SLC16A9: variants seen among roughly 807,000 people sequenced by gnomAD.
The protein encoded by SLC16A9 is monocarboxylate transporter 9.
In SLC16A9, 26 loss-of-function variants were observed where a neutral mutation model predicts 44.3. The observed-to-expected ratio is 0.59, with a 90% CI of 0.43 to 0.81. SLC16A9 has a LOEUF of 0.81. Ranked by LOEUF, SLC16A9 falls within the 40% of genes least tolerant of loss-of-function variation. SLC16A9 has a pLI of 0.00. For synonymous variants in SLC16A9, 230 were observed against 225.1 expected, an observed-to-expected ratio of 1.02 and a Z score of -0.19; for missense variants, 559 against 595.8, an observed-to-expected ratio of 0.94 and a Z score of 0.64.
chr10:59,697,474 A>G (rs1390528981), intron 1 of SLC16A9, among the ~76,000 whole-genome samples: 2 of 151,914 alleles, frequency 1.3e-5, no homozygotes, highest in African/African-American at 4.8e-5. Context: ...GTGTCTACTC[A>G]GGGTTGAATG....
intron 1 of SLC16A9, among the ~76,000 whole-genome samples, chr10:59,687,756 T>C (rs2073032390): frequency 6.6e-6 from 1 of 151,562 alleles, no homozygotes; most frequent in Non-Finnish European, 1.5e-5. Context: ...AGCCCAGGAG[T>C]TCGAGGCCAG....
intron 3 of SLC16A9, among the ~76,000 whole-genome samples, chr10:59,667,448 C>T (rs1244097731): frequency 1.3e-5 from 2 of 152,102 alleles, no homozygotes; most frequent in East Asian, 1.9e-4. Flanking sequence ...ACTCTTCTCA[C>T]CAAATTTTGT....
intron 3 of SLC16A9, among the ~76,000 whole-genome samples, chr10:59,671,079 G>C (rs1268456016): frequency 6.6e-6 from 1 of 152,202 alleles, no homozygotes; most frequent in African/African-American, 2.4e-5. Context: ...CTTCACAGAT[G>C]AGGGAGGGTA....
intron 4 of SLC16A9, among the ~76,000 whole-genome samples, chr10:59,655,698 T>A (rs1020864072): frequency 2.0e-5 from 3 of 152,244 alleles, no homozygotes; most frequent in East Asian, 3.8e-4. Context: ...CATCTGGTTC[T>A]GATTTCAATC....
At chr10:59,679,798 T>C (rs1233720654) in intron 2 of SLC16A9, among the ~76,000 whole-genome samples, 1 of 152,218 alleles carries the variant, frequency 6.6e-6, no homozygotes, top group Non-Finnish European at 1.5e-5. Context: ...ACACAGCCTC[T>C]GCAGTACCAA....
intron 1 of SLC16A9, among the ~76,000 whole-genome samples, chr10:59,685,943 A>G (rs1840121731): frequency 6.6e-6 from 1 of 150,706 alleles, no homozygotes; most frequent in South Asian, 2.1e-4. Flanking sequence ...GTTTTAAAAT[A>G]GCATTTCATC....
chr10:59,675,261 A>G (rs1839834325), intron 2 of SLC16A9, among the ~76,000 whole-genome samples: 1 of 152,194 alleles, frequency 6.6e-6, no homozygotes, highest in East Asian at 1.9e-4. Flanking sequence ...TAGCTAGCCA[A>G]TGACAGGTCT....
intron 1 of SLC16A9, among the ~76,000 whole-genome samples, chr10:59,692,348 A>G (rs1840271366): frequency 6.6e-6 from 1 of 152,142 alleles, no homozygotes; most frequent in African/African-American, 2.4e-5. Flanking sequence ...AAACCCTCAC[A>G]TGCTGCTGTG....
At chr10:59,698,732 CT>C (rs1020298939) in intron 1 of SLC16A9, among the ~76,000 whole-genome samples, 167 of 144,444 alleles carry the variant, frequency 1.2e-3, no homozygotes, top group African/African-American at 1.6e-3. Flanking sequence ...CTTTGTCTCT[CT>C]TTTTTTTTTT....
At chr10:59,668,870 T>TGGG (rs1588970357) in intron 3 of SLC16A9, among the ~76,000 whole-genome samples, 1 of 151,828 alleles carries the variant, frequency 6.6e-6, no homozygotes, top group East Asian at 2.0e-4. Flanking sequence ...TATATAACAA[T>TGGG]TTTGAAAGGG....
At position 59,684,333 on chromosome 10, in the gene SLC16A9, C is replaced by T. The variant is rs34715719; in HGVS notation, c.-36-6G>A. ...GAGGCGTTTCTCTGCAGGTCCTAAA[C>T]AAAAACAAACAGAAAAGAGAATCTT... On this transcript the variant is annotated splice_region_variant and splice_polypyrimidine_tract_variant and intron_variant, in intron 1 of 5. Transcript: ENST00000395348. 0.22 allele frequency: 338,930 copies of T among 1,521,944 alleles called. 39,746 individuals carry two copies. The highest frequency in any genetic ancestry group is 0.25 in the Middle Eastern group (1,104 of 4,422). 94.3% of individuals were successfully genotyped at this position (1,521,944 alleles called of 1,614,324 possible). A position where few individuals can be genotyped will look rare whatever the true frequency, so the allele number is the denominator to read the frequency against.
At chr10:59,687,758 C>T (rs979149808) in intron 1 of SLC16A9, among the ~76,000 whole-genome samples, 3 of 151,910 alleles carry the variant, frequency 2.0e-5, no homozygotes, top group African/African-American at 4.8e-5. Context: ...CCCAGGAGTT[C>T]GAGGCCAGCC....
At chr10:59,675,856 T>C (rs977681888) in intron 2 of SLC16A9, among the ~76,000 whole-genome samples, 1 of 152,230 alleles carries the variant, frequency 6.6e-6, no homozygotes, top group Non-Finnish European at 1.5e-5. Flanking sequence ...AGTCAAGGAC[T>C]GAATGGGGCA....
intron 3 of SLC16A9, among the ~76,000 whole-genome samples, chr10:59,671,131 A>G (rs1346318041): frequency 1.3e-5 from 2 of 152,192 alleles, no homozygotes; most frequent in Non-Finnish European, 2.9e-5. Context: ...AAACTCACAG[A>G]ACCTGTGTCT....
chr10:59,706,702 G>T (rs951343633), intron 1 of SLC16A9, among the ~76,000 whole-genome samples: 8 of 151,454 alleles, frequency 5.3e-5, no homozygotes, highest in Non-Finnish European at 1.2e-4. Context: ...GTCAGGCGTG[G>T]TGGCTCACGC....
At chr10:59,696,374 G>A (rs940230234) in intron 1 of SLC16A9, among the ~76,000 whole-genome samples, 1 of 152,216 alleles carries the variant, frequency 6.6e-6, no homozygotes, top group Admixed American at 6.5e-5. Context: ...CCGAGTTGCC[G>A]GGATGGCAGA....
At chr10:59,664,124 G>T in intron 4 of SLC16A9, 103 bp downstream of exon 4, 1 of 534,540 alleles carries the variant, frequency 1.9e-6, no homozygotes, top group Non-Finnish European at 3.1e-6. Context: ...CTACCTGATT[G>T]GTAGCTGGGT....
At chr10:59,704,699 A>G (rs144367099) in intron 1 of SLC16A9, among the ~76,000 whole-genome samples, 1 of 152,318 alleles carries the variant, frequency 6.6e-6, no homozygotes, top group East Asian at 1.9e-4. Context: ...GGGTCACTGG[A>G]CTGCCAGGCT....
intron 4 of SLC16A9, among the ~76,000 whole-genome samples, chr10:59,662,589 G>A (rs560064353): frequency 1.6e-5 from 2 of 128,594 alleles, no homozygotes; most frequent in Non-Finnish European, 3.1e-5. Flanking sequence ...AGCTGAGATT[G>A]CGCCACTGCA....
Sources: allele counts gnomAD v4.1 joint callset (sites outside exome capture counted in the v4.1 genomes callset), GRCh38; gene constraint gnomAD v4.1.1; transcripts MANE v1.5; gene names NCBI Gene and HGNC (gene_info 2026-07-23, HGNC 2026-07-21).